GRIP1: variants seen among roughly 807,000 people sequenced by gnomAD.
The protein encoded by GRIP1 is glutamate receptor interacting protein 1.
In GRIP1, 45 loss-of-function variants were observed where a neutral mutation model predicts 129.9. That is an observed-to-expected ratio of 0.35 (90% CI 0.27 to 0.44). The LOEUF (loss-of-function observed/expected upper bound fraction) is 0.44. Among genes scored for constraint, GRIP1 ranks in the 20% least tolerant of loss-of-function variants. The pLI, the probability that GRIP1 is intolerant of heterozygous loss-of-function variation, is 1.00. For synonymous variants in GRIP1, 530 were observed against 520.8 expected, an observed-to-expected ratio of 1.02 and a Z score of -0.24; for missense variants, 1,196 against 1,396.8, an observed-to-expected ratio of 0.86 and a Z score of 2.29.
intron 13 of GRIP1, among the ~76,000 whole-genome samples, chr12:66,443,465 G>C (rs1003722001): frequency 2.2e-4 from 32 of 147,398 alleles, no homozygotes; most frequent in South Asian, 1.3e-3. Context: ...TTTTTTTTGA[G>C]GTGGAGTTTT....
At chr12:66,760,476 G>A (rs1170387678) in intron 1 of GRIP1, among the ~76,000 whole-genome samples, 6 of 152,162 alleles carry the variant, frequency 3.9e-5, no homozygotes, top group Non-Finnish European at 7.3e-5. Context: ...CACTTCTTAC[G>A]TGGCGGTGGC....
At chr12:66,606,867 T>C (rs113105966) in intron 1 of GRIP1, among the ~76,000 whole-genome samples, 6 of 152,268 alleles carry the variant, frequency 3.9e-5, no homozygotes, top group African/African-American at 9.6e-5. Context: ...CAGAGGCTTA[T>C]AGAGATGAAA....
chr12:66,839,474 C>T (rs1355953220), intron 1 of GRIP1, among the ~76,000 whole-genome samples: 1 of 152,074 alleles, frequency 6.6e-6, no homozygotes, highest in African/African-American at 2.4e-5. Context: ...TTATAATTTG[C>T]ATACACACAC....
chr12:66,741,818 T>C (rs77699610), intron 1 of GRIP1, among the ~76,000 whole-genome samples: 1 of 152,180 alleles, frequency 6.6e-6, no homozygotes, highest in South Asian at 2.1e-4. Flanking sequence ...TAGGACAGAC[T>C]AGACCATCAC....
Position 66,628,747 on chromosome 12 carries a change from T to C in GRIP1, c.56-31820A>G, listed in dbSNP as rs1237181900. Among the ~76,000 whole-genome samples the C allele has an allele frequency of 3.9e-5, 6 of 152,324 alleles. No individual in the cohort carries two copies. The East Asian group carries it at 1.2e-3, about 29-fold the overall frequency. Reference sequence around the variant, plus strand: ...GGAAGAGGTTGCTGTTGGCACCTAGTGGTTAGAGGCCGGGGACGCTGCTAA... The same window carrying C: ...GGAAGAGGTTGCTGTTGGCACCTAGCGGTTAGAGGCCGGGGACGCTGCTAA... On this transcript the variant is annotated intron_variant, in intron 1 of 24. Transcript: ENST00000359742.
intron 3 of GRIP1, 125 bp downstream of exon 3, chr12:66,541,690 G>A: frequency 1.0e-6 from 1 of 988,842 alleles, no homozygotes; most frequent in Non-Finnish European, 1.6e-6. Context: ...GCTTCTGCTG[G>A]CCTGTGCTGC....
chr12:67,025,664 C>A (rs563742153), intron 1 of GRIP1, among the ~76,000 whole-genome samples: 8 of 152,090 alleles, frequency 5.3e-5, no homozygotes, highest in Non-Finnish European at 7.4e-5. Context: ...TTCTCTCCCC[C>A]CAGGGTTTAA....
intron 1 of GRIP1, among the ~76,000 whole-genome samples, chr12:67,041,089 T>C (rs1391634180): frequency 1.3e-5 from 2 of 152,026 alleles, no homozygotes; most frequent in African/African-American, 2.4e-5. Context: ...GCCTGCCCTA[T>C]TGGATTTTTG....
At chr12:66,487,946 G>A (rs184440794) in intron 7 of GRIP1, among the ~76,000 whole-genome samples, 137 of 152,218 alleles carry the variant, frequency 9.0e-4, no homozygotes, top group Non-Finnish European at 1.6e-3. Context: ...AAATATATAC[G>A]CACCTAATAC....
chr12:66,837,973 C>T (rs771680812), intron 1 of GRIP1, among the ~76,000 whole-genome samples: 85 of 152,278 alleles, frequency 5.6e-4, no homozygotes, highest in Middle Eastern at 3.4e-3. Context: ...GTGGGCGGAT[C>T]ACCTGAGGTC....
chr12:67,061,443 G>A (rs1159352678), intron 1 of GRIP1, among the ~76,000 whole-genome samples: 1 of 152,218 alleles, frequency 6.6e-6, no homozygotes, highest in Admixed American at 6.5e-5. Flanking sequence ...CAGGGAAAAT[G>A]GCTAAGAGAC....
chr12:66,807,582 G>C (rs2039019008), upstream of GRIP1, among the ~76,000 whole-genome samples: 1 of 152,090 alleles, frequency 6.6e-6, no homozygotes, highest in African/African-American at 2.4e-5. Flanking sequence ...GCTGAGGCAA[G>C]AGAATGGCGT....
intron 1 of GRIP1, among the ~76,000 whole-genome samples, chr12:66,843,234 G>C (rs2039753263): frequency 6.6e-6 from 1 of 151,920 alleles, no homozygotes; most frequent in African/African-American, 2.4e-5. Flanking sequence ...AAAATGTTTA[G>C]AAATAAATGT....
In GRIP1 at chr12:66,737,739, G is replaced by A. The variant is rs189638840; in HGVS notation, c.-420+66314C>T. 3.2e-3 allele frequency among the ~76,000 whole-genome samples: 483 copies of A among 151,224 alleles called. 3 individuals carry two copies. Among genetic ancestry groups the A allele is most frequent in the Middle Eastern group, 0.014 (4 of 294 alleles). ...TCATTTTTTTTTACTCTTTTATTTT[G>A]CCCATTCTTTCCACAAATATTTAAT... On this transcript the variant is annotated intron_variant, in intron 1 of 4. Transcript: ENST00000538373.
chr12:66,880,582 T>C (rs1326284138), intron 1 of GRIP1, among the ~76,000 whole-genome samples: 1 of 152,074 alleles, frequency 6.6e-6, no homozygotes, highest in Non-Finnish European at 1.5e-5. Context: ...AAATTATTTA[T>C]AAGGATTCAA....
At chr12:67,014,588 AG>A (rs2042756709) in intron 1 of GRIP1, among the ~76,000 whole-genome samples, 1 of 152,168 alleles carries the variant, frequency 6.6e-6, no homozygotes, top group Admixed American at 6.6e-5. Flanking sequence ...GATTTTCTTC[AG>A]GAATTATAAC....
chr12:66,603,193 A>AC (rs1305113810), intron 1 of GRIP1, among the ~76,000 whole-genome samples: 40 of 147,750 alleles, frequency 2.7e-4, no homozygotes, highest in African/African-American at 9.3e-4. Flanking sequence ...AAAAAAAAAA[A>AC]CACCCAAACA....
intron 2 of GRIP1, among the ~76,000 whole-genome samples, chr12:66,582,000 TC>T (rs1296224689): frequency 6.6e-6 from 1 of 151,992 alleles, no homozygotes; most frequent in Non-Finnish European, 1.5e-5. Flanking sequence ...GATGCAAAAA[TC>T]CTCAATAAAA....
At chr12:66,377,541 G>A (rs578242317) in intron 20 of GRIP1, among the ~76,000 whole-genome samples, 2 of 144,470 alleles carry the variant, frequency 1.4e-5, no homozygotes, top group Admixed American at 7.2e-5. Flanking sequence ...GGGTTTCACC[G>A]TTTTAGCCAG....
Sources: gnomAD v4.1 joint callset for allele counts (sites outside exome capture counted in the v4.1 genomes callset) on GRCh38, gnomAD v4.1.1 for gene constraint, MANE v1.5 for transcripts, NCBI Gene and HGNC (gene_info 2026-07-23, HGNC 2026-07-21) for gene names.